The following PLD1 variants were observed in gnomAD, a reference collection of about 807,000 sequenced individuals.
The protein encoded by PLD1 is choline phosphatase 1.
In PLD1, 112 loss-of-function variants were observed where a neutral mutation model predicts 137.1. That is an observed-to-expected ratio of 0.82 (90% CI 0.70 to 0.96). PLD1 has a LOEUF of 0.96. PLD1 is among the 40% of genes least tolerant of loss of function. The probability of loss-of-function intolerance (pLI) is 0.00; values close to 1 mark genes in which losing one functional copy is unlikely to be tolerated. For synonymous variants in PLD1, 431 were observed against 454.7 expected, an observed-to-expected ratio of 0.95 and a Z score of 0.66; for missense variants, 1,321 against 1,342.0, an observed-to-expected ratio of 0.98 and a Z score of 0.24.
rs531684401 is a variant in PLD1, at chr3:171,737,445, TAGCTAAGAGG to T, written c.288+77_288+86del. 352 of 1,160,480 alleles carry T rather than the reference TAGCTAAGAGG, an allele frequency of 3.0e-4. No individual in the cohort carries two copies. In the African/African-American group the frequency reaches 4.9e-3, roughly 16 times the overall value. 71.9% of individuals were successfully genotyped at this position (1,160,480 alleles called of 1,614,324 possible). ...AAACAAAAACCTACAAACATGATCA[TAGCTAAGAGG>T]GAGGAAAATGAAAGGCTATGTACTA... On this transcript the variant is annotated intron_variant, in intron 3 of 26. Transcript: ENST00000351298.
At chr3:171,780,791 T>C (rs1722767603) in intron 1 of PLD1, among the ~76,000 whole-genome samples, 1 of 152,198 alleles carries the variant, frequency 6.6e-6, no homozygotes, top group African/African-American at 2.4e-5. Context: ...AGAATGTGAC[T>C]ACAGGGCATT....
intron 12 of PLD1, among the ~76,000 whole-genome samples, chr3:171,697,513 T>C (rs1715862685): frequency 2.0e-5 from 3 of 151,820 alleles, no homozygotes; most frequent in Admixed American, 1.3e-4. Context: ...TGCCCCACTG[T>C]CTCCCATAAA....
intron 23 of PLD1, among the ~76,000 whole-genome samples, chr3:171,639,848 C>CTATATATATATATATA (rs148607591): frequency 2.1e-4 from 23 of 110,184 alleles, no homozygotes; most frequent in South Asian, 1.4e-3. Flanking sequence ...CTCTCTCTCT[C>CTATATATATATATATA]TATATATATA....
At chr3:171,639,458 GATATA>G (rs1179110046) in intron 23 of PLD1, among the ~76,000 whole-genome samples, 2 of 116,256 alleles carry the variant, frequency 1.7e-5, no homozygotes, top group Admixed American at 9.9e-5. Context: ...ATATAAATTA[GATATA>G]ATATATTCAT....
intron 1 of PLD1, among the ~76,000 whole-genome samples, chr3:171,774,587 T>G (rs1722527459): frequency 6.6e-6 from 1 of 152,166 alleles, no homozygotes; most frequent in Admixed American, 6.5e-5. Context: ...GAGGCCTTTT[T>G]GGGTGAGTAG....
chr3:171,741,999 AT>A (rs1719813772), intron 1 of PLD1, among the ~76,000 whole-genome samples: 1 of 136,960 alleles, frequency 7.3e-6, no homozygotes, highest in Admixed American at 7.4e-5. Context: ...TCATGATCTC[AT>A]TTAATCTTCA....
intron 18 of PLD1, among the ~76,000 whole-genome samples, chr3:171,675,904 G>A (rs1713300210): frequency 1.3e-5 from 2 of 149,942 alleles, no homozygotes. Context: ...GTACAATGGA[G>A]TCCTCTCAGC....
chr3:171,737,459 G>T, intron 3 of PLD1, 73 bp downstream of exon 3: 1 of 1,269,564 alleles, frequency 7.9e-7, no homozygotes, highest in Non-Finnish European at 1.1e-6. Flanking sequence ...TAAGAGGGAG[G>T]AAAATGAAAG....
intron 23 of PLD1, among the ~76,000 whole-genome samples, chr3:171,638,077 C>T (rs1236655800): frequency 1.3e-5 from 2 of 150,026 alleles, no homozygotes; most frequent in South Asian, 2.1e-4. Context: ...CCCAGCTACT[C>T]GGGAGGCTGA....
chr3:171,687,970 C>T (rs967671757), intron 14 of PLD1, among the ~76,000 whole-genome samples: 5 of 152,162 alleles, frequency 3.3e-5, no homozygotes, highest in Non-Finnish European at 5.9e-5. Context: ...CACTAAATTG[C>T]TATTTTTGCA....
At position 171,709,583 on chromosome 3, in the gene PLD1, G is replaced by A. The variant is rs1560238524; in HGVS notation, c.1038C>T (p.Ile346=). 1 of 1,613,958 alleles carries A rather than the reference G, an allele frequency of 6.2e-7. No individual in the cohort carries two copies. The highest frequency in any genetic ancestry group is 1.7e-5 in the Admixed American group (1 of 60,010). ...ACCATTTAGCTAAAGCATTCTCTTGGATAGCAGCATATGACCCAAATCGAT... is the reference window on the plus strand; with the variant it reads ...ACCATTTAGCTAAAGCATTCTCTTGAATAGCAGCATATGACCCAAATCGAT... ...KDHRFGSYAA[I]QENALAKWYV... Residue 346 remains isoleucine, a synonymous_variant, in exon 10 of 27, where the codon ATC becomes ATT. Transcript: ENST00000351298.
At chr3:171,683,494 T>C (rs141643142) in intron 16 of PLD1, among the ~76,000 whole-genome samples, 2 of 151,944 alleles carry the variant, frequency 1.3e-5, no homozygotes, top group African/African-American at 2.4e-5. Flanking sequence ...CTCTACCTCA[T>C]GGCCTTTCAT....
chr3:171,601,611 C>G lies in PLD1; in HGVS notation c.*1467G>C, dbSNP rs989418899. ...ATTTCTCTCTTCTGCTAACCCCTAT[C>G]CCTGACTTTGTGCTCCTGTTTAATT... On this transcript the variant is annotated 3_prime_UTR_variant, in exon 27 of 27. Coordinates refer to ENST00000351298, the MANE Select transcript of PLD1 (RefSeq NM_002662.5). 6.6e-6 allele frequency: 1 copy of G among 152,148 alleles called. No homozygotes were observed. Among genetic ancestry groups the G allele is most frequent in the African/African-American group, 2.4e-5 (1 of 41,404 alleles). 9.4% of individuals were successfully genotyped at this position (152,148 alleles called of 1,614,324 possible). A position where few individuals can be genotyped will look rare whatever the true frequency, so the allele number is the denominator to read the frequency against.
chr3:171,623,611 C>T (rs1316476562), intron 23 of PLD1, among the ~76,000 whole-genome samples: 17 of 151,936 alleles, frequency 1.1e-4, no homozygotes, highest in African/African-American at 3.6e-4. Flanking sequence ...CATGAGCCAC[C>T]GTGCCAGGCC....
chr3:171,610,322 AC>A (rs1273070519), intron 25 of PLD1, among the ~76,000 whole-genome samples: 6 of 152,240 alleles, frequency 3.9e-5, no homozygotes. Flanking sequence ...AATGTGTGTA[AC>A]ATTGTTTAAA....
chr3:171,687,338 T>C lies in PLD1; in HGVS notation c.1753+33A>G, dbSNP rs561849240. ...CTGGCTATGGAAGAACAGTGGGTAG[T>C]TAAGATAAATTCTAGTCAAGGCCAT... On this transcript the variant is annotated intron_variant, in intron 15 of 26. Coordinates refer to ENST00000351298, the MANE Select transcript of PLD1 (RefSeq NM_002662.5). The C allele has an allele frequency of 2.6e-6, 4 of 1,560,960 alleles. No individual in the cohort carries two copies. The East Asian group carries it at 9.0e-5, about 35-fold the overall frequency.
chr3:171,637,794 A>G (rs1360366411), intron 23 of PLD1, among the ~76,000 whole-genome samples: 1 of 152,166 alleles, frequency 6.6e-6, no homozygotes, highest in Admixed American at 6.5e-5. Context: ...TACTATACTG[A>G]ATACTGTAGG....
intron 1 of PLD1, among the ~76,000 whole-genome samples, chr3:171,779,291 G>A (rs1179317534): frequency 1.3e-5 from 2 of 152,202 alleles, no homozygotes; most frequent in African/African-American, 4.8e-5. Flanking sequence ...ATGAAGAGAA[G>A]TAGTCAGATC....
chr3:171,760,000 G>A (rs1721285416), intron 1 of PLD1, among the ~76,000 whole-genome samples: 1 of 152,086 alleles, frequency 6.6e-6, no homozygotes, highest in Non-Finnish European at 1.5e-5. Flanking sequence ...GCTACAAAAG[G>A]GTCAAGATAG....
Sources: gnomAD v4.1 joint callset for allele counts (sites outside exome capture counted in the v4.1 genomes callset) on GRCh38, gnomAD v4.1.1 for gene constraint, MANE v1.5 for transcripts, NCBI Gene and HGNC (gene_info 2026-07-23, HGNC 2026-07-21) for gene names.